The following PRKCE variants were observed in gnomAD, a reference collection of about 807,000 sequenced individuals.
PRKCE encodes the protein protein kinase C epsilon.
Under a neutral mutation model 85.4 loss-of-function variants are expected in PRKCE, and 16 were observed. The ratio of observed to expected loss-of-function variants is 0.19; its 90% CI spans 0.13 to 0.28. The LOEUF (loss-of-function observed/expected upper bound fraction) is 0.28, where lower values mean the gene tolerates loss of function less well. Ranked by LOEUF, PRKCE falls within the 10% of genes least tolerant of loss-of-function variation. PRKCE has a pLI of 1.00. For missense variants in PRKCE, 573 were observed against 975.2 expected (o/e 0.59, Z 5.49); for synonymous variants, 388 against 371.5 (o/e 1.04, Z -0.51).
At position 46,172,612 on chromosome 2, in the gene PRKCE, C is replaced by T. The variant is rs147633464; in HGVS notation, c.2068-12123C>T. Among the ~76,000 whole-genome samples the T allele has an allele frequency of 1.6e-4, 25 of 152,326 alleles. No homozygotes were observed. The East Asian group carries it at 2.5e-3, about 15-fold the overall frequency. The stretch of plus-strand genomic sequence containing the variant: ...GGAGACATAATGTGTTTGGAGCTAA[C>T]GCTTTGAGACTATTGACTTCACCTG... On this transcript the variant is annotated intron_variant, in intron 14 of 14. Coordinates refer to ENST00000306156, the MANE Select transcript of PRKCE (RefSeq NM_005400.3).
chr2:45,685,429 A>G (rs1469570858), intron 1 of PRKCE: 1 of 152,152 alleles, frequency 6.6e-6, no homozygotes, highest in African/African-American at 2.4e-5. Context: ...CATTTCCTGA[A>G]AGCAGAAGAG....
chr2:45,777,435 C>G (rs1685837168), intron 1 of PRKCE, among the ~76,000 whole-genome samples: 1 of 151,968 alleles, frequency 6.6e-6, no homozygotes, highest in South Asian at 2.1e-4. Flanking sequence ...CCTGTCTGCC[C>G]TCACTCTTCT....
intron 2 of PRKCE, among the ~76,000 whole-genome samples, chr2:45,890,445 T>C (rs1695637309): frequency 6.6e-6 from 1 of 151,808 alleles, no homozygotes; most frequent in African/African-American, 2.4e-5. Context: ...GGTGGTGTGA[T>C]CTCGGCTCAC....
chr2:46,162,930 C>T (rs974971826), intron 14 of PRKCE, among the ~76,000 whole-genome samples: 11 of 152,274 alleles, frequency 7.2e-5, no homozygotes, highest in Non-Finnish European at 1.0e-4. Context: ...CCGAGTCATC[C>T]GTGGGCTTGT....
intron 10 of PRKCE, among the ~76,000 whole-genome samples, chr2:46,056,416 T>C (rs955215982): frequency 1.3e-5 from 2 of 152,170 alleles, no homozygotes; most frequent in African/African-American, 4.8e-5. Context: ...GTAACTTATA[T>C]GGGATTAAGT....
intron 1 of PRKCE, among the ~76,000 whole-genome samples, chr2:45,751,421 T>G (rs1683549555): frequency 6.6e-6 from 1 of 152,216 alleles, no homozygotes; most frequent in African/African-American, 2.4e-5. Flanking sequence ...GCAAATTCCT[T>G]GAAAACAGGG....
intron 1 of PRKCE, among the ~76,000 whole-genome samples, chr2:45,776,622 G>A (rs1269930528): frequency 6.6e-6 from 1 of 152,174 alleles, no homozygotes; most frequent in African/African-American, 2.4e-5. Flanking sequence ...ACCTGCCTGT[G>A]AGAACTATTA....
chr2:45,661,651 C>G (rs2103753159), intron 1 of PRKCE, among the ~76,000 whole-genome samples: 1 of 150,264 alleles, frequency 6.7e-6, no homozygotes, highest in East Asian at 1.9e-4. Flanking sequence ...GCCTCAGCCT[C>G]CCGAGTAGCT....
chr2:46,039,526 GT>G (rs893944665), intron 10 of PRKCE, among the ~76,000 whole-genome samples: 1 of 151,554 alleles, frequency 6.6e-6, no homozygotes, highest in African/African-American at 2.4e-5. Flanking sequence ...TTTTGTTGTT[GT>G]TTTTTTGTTT....
intron 1 of PRKCE, among the ~76,000 whole-genome samples, chr2:45,813,585 A>T (rs1688807130): frequency 6.6e-6 from 1 of 152,174 alleles, no homozygotes; most frequent in Non-Finnish European, 1.5e-5. Context: ...CTCGTCTTTC[A>T]CAAAAGAGAA....
chr2:45,883,234 G>A (rs186775270), intron 2 of PRKCE, among the ~76,000 whole-genome samples: 2 of 152,368 alleles, frequency 1.3e-5, no homozygotes, highest in African/African-American at 4.8e-5. Flanking sequence ...AGCCAAGTAT[G>A]GATTTGGATT....
At chr2:45,705,742 C>G (rs1295061166) in intron 1 of PRKCE, among the ~76,000 whole-genome samples, 1 of 152,228 alleles carries the variant, frequency 6.6e-6, no homozygotes, top group Admixed American at 6.5e-5. Flanking sequence ...GTATAGGTAG[C>G]TTTACCAGGC....
intron 10 of PRKCE, among the ~76,000 whole-genome samples, chr2:46,048,197 C>T (rs72806746): frequency 0.011 from 1,734 of 150,898 alleles, 20 homozygotes; most frequent in South Asian, 0.054. Context: ...GTTTTCTGTT[C>T]TTTCTCTGAC....
At chr2:46,129,135 G>A (rs1472502464) in intron 11 of PRKCE, among the ~76,000 whole-genome samples, 1 of 152,160 alleles carries the variant, frequency 6.6e-6, no homozygotes, top group Admixed American at 6.5e-5. Flanking sequence ...AGTGATGATA[G>A]TACCCATTTC....
Position 46,145,022 on chromosome 2 carries a change from T to C in PRKCE, c.1593-71T>C. The C allele has an allele frequency of 6.3e-7, 1 of 1,582,124 alleles. No homozygotes were observed. Among genetic ancestry groups the C allele is most frequent in the Non-Finnish European group, 8.6e-7 (1 of 1,166,790 alleles). On this transcript the variant is annotated intron_variant, in intron 11 of 14. Transcript: ENST00000306156. The surrounding 1 kb of genome is among the most constrained non-coding windows in gnomAD (Gnocchi z 4.6). Reference sequence around the variant, plus strand: ...TGGAGATTTCCCTAAGATAGGCACATACCTCCAACTCAGGAAGACTATATT... The same window carrying C: ...TGGAGATTTCCCTAAGATAGGCACACACCTCCAACTCAGGAAGACTATATT...
intron 2 of PRKCE, among the ~76,000 whole-genome samples, chr2:45,944,312 C>T (rs1700084260): frequency 6.6e-6 from 1 of 152,170 alleles, no homozygotes; most frequent in Admixed American, 6.5e-5. Flanking sequence ...GTCTCTCCAG[C>T]AGCAGGCATT....
chr2:46,129,275 T>A lies in PRKCE; in HGVS notation c.1593-15818T>A, dbSNP rs148984519. Among the ~76,000 whole-genome samples the A allele has an allele frequency of 5.3e-3, 805 of 152,248 alleles. 4 individuals carry two copies. Among genetic ancestry groups the A allele is most frequent in the Middle Eastern group, 0.01 (3 of 294 alleles). On this transcript the variant is annotated intron_variant, in intron 11 of 14. Coordinates refer to ENST00000306156, the MANE Select transcript of PRKCE (RefSeq NM_005400.3). ...TCACATGTGGATGGCAGAAGCCAAG[T>A]CTCAGAATGATACCTCCCATCCAAG...
At chr2:46,136,010 A>C (rs941886295) in intron 11 of PRKCE, among the ~76,000 whole-genome samples, 2 of 151,970 alleles carry the variant, frequency 1.3e-5, no homozygotes, top group Non-Finnish European at 2.9e-5. Flanking sequence ...CAATATTCCC[A>C]TCTGATTGAC....
intron 1 of PRKCE, among the ~76,000 whole-genome samples, chr2:45,795,830 G>A (rs193149703): frequency 8.9e-4 from 136 of 152,200 alleles, no homozygotes; most frequent in Non-Finnish European, 5.3e-4. Flanking sequence ...AGCAGAGCTC[G>A]GCAATGCTGT....
Sources: allele counts gnomAD v4.1 joint callset (sites outside exome capture counted in the v4.1 genomes callset), GRCh38; gene constraint gnomAD v4.1.1; non-coding constraint Gnocchi (gnomAD v3.1); transcripts MANE v1.5; gene names NCBI Gene and HGNC (gene_info 2026-07-23, HGNC 2026-07-21).